Variants in PROSER2 observed in about 807,000 individuals in gnomAD.
PROSER2 encodes the protein proline and serine-rich protein 2.
Under a neutral mutation model 14.6 loss-of-function variants are expected in PROSER2, and 18 were observed. The ratio of observed to expected loss-of-function variants is 1.23; its 90% CI spans 0.85 to 1.83. PROSER2 has a LOEUF of 1.83. Ranked by LOEUF, PROSER2 falls within the 40% of genes most tolerant of loss-of-function variation. The pLI is 0.00. For synonymous variants in PROSER2, 367 were observed against 286.4 expected, an observed-to-expected ratio of 1.28 and a Z score of -2.84; for missense variants, 823 against 629.8, an observed-to-expected ratio of 1.31 and a Z score of -3.28.
intron 2 of PROSER2, among the ~76,000 whole-genome samples, chr10:11,864,164 C>T (rs552304554): frequency 2.6e-5 from 4 of 152,196 alleles, no homozygotes; most frequent in Admixed American, 1.3e-4. Context: ...TTTATTCTTC[C>T]GTAGTTCTAA....
intron 1 of PROSER2, among the ~76,000 whole-genome samples, chr10:11,846,964 C>G (rs1441216379): frequency 6.6e-6 from 1 of 151,764 alleles, no homozygotes; most frequent in Non-Finnish European, 1.5e-5. Context: ...GTTGCCCGGG[C>G]TGGTCTCAAA....
chr10:11,839,740 G>T (rs961063791), intron 1 of PROSER2, among the ~76,000 whole-genome samples: 1 of 149,686 alleles, frequency 6.7e-6, no homozygotes, highest in African/African-American at 2.5e-5. Flanking sequence ...CAGGAGAATC[G>T]CTTGAACCCG....
In PROSER2 at chr10:11,865,841, A is replaced by G. The variant is rs1834333452; in HGVS notation, c.139-690A>G. Among the ~76,000 whole-genome samples, 1 of 152,174 alleles carries G rather than the reference A, an allele frequency of 6.6e-6. No individual in the cohort carries two copies. ...TCATTGCTTCTGAAAGAGACTTTCA[A>G]ACAGTTCAGCTCTCTTCACCGTCAC... On this transcript the variant is annotated intron_variant, in intron 2 of 3. Coordinates refer to ENST00000277570, the MANE Select transcript of PROSER2 (RefSeq NM_153256.4). The surrounding 1 kb of genome is among the most constrained non-coding windows in gnomAD (Gnocchi z 4.2).
rs937139907 is a variant in PROSER2, at chr10:11,838,554, G to A, written c.-81-13443G>A. On this transcript the variant is annotated intron_variant, in intron 1 of 3. Transcript: ENST00000277570. This position sits in a 1 kb window ranked among gnomAD's most constrained non-coding sequence, Gnocchi z 4.4. Reference sequence around the variant, plus strand: ...GGCTGAGCAGTGGAATGTGTGGCTCGTAGGACACGCTTAGTTTCTCTAAGT... The same window carrying A: ...GGCTGAGCAGTGGAATGTGTGGCTCATAGGACACGCTTAGTTTCTCTAAGT... 1.2e-4 allele frequency among the ~76,000 whole-genome samples: 18 copies of A among 152,204 alleles called. No individual in the cohort carries two copies. The highest frequency in any genetic ancestry group is 2.1e-4 in the Non-Finnish European group (14 of 68,044).
chr10:11,832,107 G>A (rs1240007255), intron 1 of PROSER2, among the ~76,000 whole-genome samples: 2 of 152,098 alleles, frequency 1.3e-5, no homozygotes, highest in African/African-American at 2.4e-5. Context: ...AAGTTCTTAC[G>A]TAAGGCATTT....
intron 2 of PROSER2, 68 bp downstream of exon 2, chr10:11,852,283 C>T: frequency 2.0e-6 from 3 of 1,479,928 alleles, no homozygotes; most frequent in Non-Finnish European, 2.7e-6. Flanking sequence ...AATCCCTCTC[C>T]CTTGAAGGAA....
chr10:11,835,594 A>G (rs1833749087), intron 1 of PROSER2, among the ~76,000 whole-genome samples: 2 of 152,238 alleles, frequency 1.3e-5, no homozygotes, highest in Non-Finnish European at 2.9e-5. Context: ...GAGTCTTGAC[A>G]TCATTCATTG....
rs1834132296 is a variant in PROSER2, at chr10:11,856,877, A to C, written c.138+4662A>C. Among the ~76,000 whole-genome samples the C allele has an allele frequency of 6.6e-6, 1 of 152,168 alleles. No individual in the cohort carries two copies. The highest frequency in any genetic ancestry group is 1.5e-5 in the Non-Finnish European group (1 of 68,020). The stretch of plus-strand genomic sequence containing the variant: ...AATCTGATGTGCTGTTTGCTCTGTG[A>C]CTTCAGGAGGGGACACTGAACCGGA... On this transcript the variant is annotated intron_variant, in intron 2 of 3. Transcript: ENST00000277570. The surrounding 1 kb of genome is among the most constrained non-coding windows in gnomAD (Gnocchi z 5.3).
chr10:11,823,443 G>A lies in PROSER2; in HGVS notation c.-109G>A, dbSNP rs927554298. ...CGGGTCGCTGGCGGCGTGGACACCT[G>A]AGTCCCGGGGTAGGGGTCTCCCGCG... On this transcript the variant is annotated 5_prime_UTR_variant, in exon 1 of 4. Coordinates refer to ENST00000277570, the MANE Select transcript of PROSER2 (RefSeq NM_153256.4). This position sits in a 1 kb window ranked among gnomAD's most constrained non-coding sequence, Gnocchi z 6.2. 2.7e-4 allele frequency: 42 copies of A among 154,038 alleles called. No individual in the cohort carries two copies. Among genetic ancestry groups the A allele is most frequent in the Non-Finnish European group, 5.3e-4 (37 of 70,002 alleles). The allele number at this position is 154,038 out of a possible 1,614,324, so 9.5% of individuals were successfully genotyped here. A position where few individuals can be genotyped will look rare whatever the true frequency, so the allele number is the denominator to read the frequency against.
intron 1 of PROSER2, 136 bp from the exon 2 acceptor site, chr10:11,851,861 T>G (rs766888410): frequency 4.8e-5 from 19 of 398,950 alleles, no homozygotes; most frequent in Non-Finnish European, 7.8e-5. Flanking sequence ...ACTGGTTGAC[T>G]TAGCGTTTCC....
chr10:11,829,306 C>T (rs574059118), intron 1 of PROSER2, among the ~76,000 whole-genome samples: 5 of 151,182 alleles, frequency 3.3e-5, no homozygotes, highest in East Asian at 1.9e-4. Flanking sequence ...ATTACATACC[C>T]GGGCATGCTA....
chr10:11,827,425 G>C (rs1015381925), intron 1 of PROSER2, among the ~76,000 whole-genome samples: 2 of 152,102 alleles, frequency 1.3e-5, no homozygotes, highest in Admixed American at 1.3e-4. Flanking sequence ...GGCTCGGTTT[G>C]TATATTTAGG....
chr10:11,854,808 A>G (rs1257426267), intron 2 of PROSER2, among the ~76,000 whole-genome samples: 2 of 152,182 alleles, frequency 1.3e-5, no homozygotes, highest in Non-Finnish European at 2.9e-5. Flanking sequence ...GCCAGTCCCT[A>G]TCACAGCAAT....
At position 11,848,386 on chromosome 10, in the gene PROSER2, C is replaced by T. The variant is rs189007616; in HGVS notation, c.-81-3611C>T. On this transcript the variant is annotated intron_variant, in intron 1 of 3. Coordinates refer to ENST00000277570, the MANE Select transcript of PROSER2 (RefSeq NM_153256.4). ...GTTTCGCCATGTTGGCCAGGCTGGT[C>T]TCGAACTCCTGACCTCAGGTGATCC... 4.8e-4 allele frequency among the ~76,000 whole-genome samples: 73 copies of T among 152,336 alleles called. 1 individual carries two copies. The highest frequency in any genetic ancestry group is 9.6e-4 in the Non-Finnish European group (65 of 68,030).
intron 1 of PROSER2, among the ~76,000 whole-genome samples, chr10:11,844,289 C>G (rs1158081790): frequency 6.6e-6 from 1 of 152,162 alleles, no homozygotes. Flanking sequence ...CTGCACCCAG[C>G]CACTTTGAAT....
At chr10:11,825,069 G>A (rs1416442843) in intron 1 of PROSER2, among the ~76,000 whole-genome samples, 1 of 152,156 alleles carries the variant, frequency 6.6e-6, no homozygotes. Context: ...AGCCTTCATC[G>A]GCAGCTGAAG....
intron 1 of PROSER2, among the ~76,000 whole-genome samples, chr10:11,849,268 G>C (rs964857849): frequency 6.6e-6 from 1 of 152,152 alleles, no homozygotes; most frequent in East Asian, 1.9e-4. Flanking sequence ...TGGACTCCCT[G>C]TAATGGCACT....
intron 3 of PROSER2, among the ~76,000 whole-genome samples, chr10:11,868,951 C>T (rs1834407627): frequency 6.6e-6 from 1 of 152,176 alleles, no homozygotes; most frequent in Non-Finnish European, 1.5e-5. Flanking sequence ...GCGCCCGGCC[C>T]AGTGTTGTAT....
chr10:11,855,989 T>C (rs1834116460), intron 2 of PROSER2, among the ~76,000 whole-genome samples: 1 of 152,124 alleles, frequency 6.6e-6, no homozygotes, highest in Non-Finnish European at 1.5e-5. Flanking sequence ...AAGGTATAGG[T>C]AGAACTAGAA....
Sources: gnomAD v4.1 joint callset for allele counts (sites outside exome capture counted in the v4.1 genomes callset) on GRCh38, gnomAD v4.1.1 for gene constraint, Gnocchi (gnomAD v3.1) non-coding constraint, MANE v1.5 for transcripts, NCBI Gene and HGNC (gene_info 2026-07-23, HGNC 2026-07-21) for gene names.